Variants in ZNF768 observed in about 807,000 individuals in gnomAD.
The protein encoded by ZNF768 is zinc finger protein 768.
Under a neutral mutation model 39.7 loss-of-function variants are expected in ZNF768, and 12 were observed. The ratio of observed to expected loss-of-function variants is 0.30; its 90% CI spans 0.19 to 0.49. ZNF768 has a LOEUF of 0.49. Among genes scored for constraint, ZNF768 ranks in the 20% least tolerant of loss-of-function variants. ZNF768 has a pLI of 0.99. For synonymous variants in ZNF768, 360 were observed against 288.4 expected, an observed-to-expected ratio of 1.25 and a Z score of -2.52; for missense variants, 613 against 723.2, an observed-to-expected ratio of 0.85 and a Z score of 1.75.
upstream of ZNF768, among the ~76,000 whole-genome samples, chr16:30,530,131 G>A (rs139847806): frequency 2.1e-3 from 322 of 152,116 alleles, 1 homozygote; most frequent in African/African-American, 7.2e-3. This position sits in a 1 kb window ranked among gnomAD's most constrained non-coding sequence, Gnocchi z 4.4. Flanking sequence ...GCCCGGCCGA[G>A]AATAGCTACA....
At chr16:30,530,967 G>A (rs563975593), upstream of ZNF768, 1 of 151,638 alleles carries the variant, frequency 6.6e-6, no homozygotes, top group African/African-American at 2.4e-5. The surrounding 1 kb of genome is among the most constrained non-coding windows in gnomAD (Gnocchi z 4.4). Flanking sequence ...TAGAACTTGG[G>A]GATACAGATG....
Position 30,525,662 on chromosome 16 carries a change from T to G in ZNF768, c.478A>C (p.Ser160Arg). The G allele has an allele frequency of 1.2e-6, 2 of 1,614,248 alleles. No homozygotes were observed. Among genetic ancestry groups the G allele is most frequent in the Non-Finnish European group, 1.7e-6 (2 of 1,180,030 alleles). The change falls in exon 2 of 2, where the codon AGC becomes CGC. Residue 160 changes from serine to arginine, a missense_variant. Ser to Arg is a moderately radical substitution (Grantham distance 110). This residue lies in a region of ZNF768 where 347 missense variants were observed against 326.1 expected (regional missense o/e 1.06). Coordinates refer to ENST00000380412, the MANE Select transcript of ZNF768 (RefSeq NM_024671.4). ...ESQNTELKTQSPEFEAQSSKF... is the reference protein window; with the variant it reads ...ESQNTELKTQRPEFEAQSSKF... ...GAACTTTGAGCTTCAAATTCTGGGC[T>G]TTGGGTTTTGAGCTCAGTGTTCTGG...
At chr16:30,528,498 A>G (rs1340079796), upstream of ZNF768, among the ~76,000 whole-genome samples, 1 of 152,118 alleles carries the variant, frequency 6.6e-6, no homozygotes, top group East Asian at 1.9e-4. Context: ...AGGTTGCAGT[A>G]AGCCGAGATC....
Position 30,524,398 on chromosome 16 carries a change from C to T in ZNF768, c.*119G>A, listed in dbSNP as rs567889872. ...CTTCCTCCACCCTGGTTCTCTTCTTCCAGCATCCTCAGCTCCTCCATTCTC... is the reference window on the plus strand; with the variant it reads ...CTTCCTCCACCCTGGTTCTCTTCTTTCAGCATCCTCAGCTCCTCCATTCTC... On this transcript the variant is annotated 3_prime_UTR_variant, in exon 2 of 2. Transcript: ENST00000380412. 172 of 1,442,872 alleles carry T rather than the reference C, an allele frequency of 1.2e-4. No individual in the cohort carries two copies. In the South Asian group the frequency reaches 2.3e-3, roughly 19 times the overall value. 89.4% of individuals were successfully genotyped at this position (1,442,872 alleles called of 1,614,324 possible). A position where few individuals can be genotyped will look rare whatever the true frequency, so the allele number is the denominator to read the frequency against.
In ZNF768 at chr16:30,525,177, A is replaced by T; in HGVS notation, c.963T>A (p.Arg321=). The T allele has an allele frequency of 6.2e-7, 1 of 1,608,588 alleles. No individual in the cohort carries two copies. Among genetic ancestry groups the T allele is most frequent in the East Asian group, 2.2e-5 (1 of 44,564 alleles). ...AGCTGTCGGCGAAGGCCTTGCCGCA[A>T]CGGGGACATTTGTAGGGCCGCTCGC... is the stretch of plus-strand genomic sequence containing the variant. ...HTGERPYKCP[R]CGKAFADSSY... The change falls in exon 2 of 2, where the codon CGT becomes CGA. Residue 321 remains arginine (R), a synonymous_variant. Transcript: ENST00000380412.
At chr16:30,527,141 G>T (rs1248130457), upstream of ZNF768, 3 of 985,288 alleles carry the variant, frequency 3.0e-6, no homozygotes, top group African/African-American at 3.5e-5. Flanking sequence ...GCGGTGTCTC[G>T]CTCCCTCCCC....
chr16:30,526,735 C>A (rs911090024), upstream of ZNF768: 11 of 786,240 alleles, frequency 1.4e-5, no homozygotes, highest in African/African-American at 1.7e-4. Context: ...CCCGCCCGAG[C>A]CCCCACCTTC....
rs748683778 is a variant in ZNF768 at position 30,525,661 on chromosome 16, C to T, written c.479G>A (p.Ser160Asn). The change falls in exon 2 of 2, where the codon AGC (serine) becomes AAC (asparagine). Residue 160 changes from serine (S) to asparagine (N), a missense_variant. Transcript: ENST00000380412. Reference sequence around the variant, plus strand: ...GGAACTTTGAGCTTCAAATTCTGGGCTTTGGGTTTTGAGCTCAGTGTTCTG... The same window carrying T: ...GGAACTTTGAGCTTCAAATTCTGGGTTTTGGGTTTTGAGCTCAGTGTTCTG... The part of the protein sequence containing the change: ...ESQNTELKTQ[S>N]PEFEAQSSKF... 7 of 1,614,234 alleles carry T rather than the reference C, an allele frequency of 4.3e-6. No individual in the cohort carries two copies. The South Asian group carries it at 4.4e-5, about 10-fold the overall frequency.
At position 30,524,437 on chromosome 16, in the gene ZNF768, A is replaced by G; in HGVS notation, c.*80T>C. ...TCCTCCATTCTCCTGCGGCTTCTCC[A>G]CTATCCTCCCTAAAGGTTCCTCTAG... On this transcript the variant is annotated 3_prime_UTR_variant, in exon 2 of 2. Coordinates refer to ENST00000380412, the MANE Select transcript of ZNF768 (RefSeq NM_024671.4). The G allele has an allele frequency of 6.6e-7, 1 of 1,510,772 alleles. No individual in the cohort carries two copies. Among genetic ancestry groups the G allele is most frequent in the East Asian group, 2.3e-5 (1 of 44,052 alleles). The allele number at this position is 1,510,772 out of a possible 1,614,324, so 93.6% of individuals were successfully genotyped here. A position where few individuals can be genotyped will look rare whatever the true frequency, so the allele number is the denominator to read the frequency against.
rs1266213281 is a variant in ZNF768, at chr16:30,526,372, A to G, written c.42T>C (p.Asp14=). 5.6e-6 allele frequency: 9 copies of G among 1,602,408 alleles called. No individual in the cohort carries two copies. In the Admixed American group the frequency reaches 6.8e-5, roughly 12 times the overall value. Residue 14 remains aspartate, a synonymous_variant, in exon 1 of 2, where the codon GAT becomes GAC. Transcript: ENST00000380412. The part of the protein sequence containing the change: ...EALPWGLEPQ[D]VQSSDEMRSP... The stretch of plus-strand genomic sequence containing the variant: ...TCCTCATTTCGTCAGAACTCTGCAC[A>G]TCCTGGGGCTCGAGGCCCCACGGCA...
chr16:30,529,723 G>C (rs2081458407), upstream of ZNF768, among the ~76,000 whole-genome samples: 2 of 151,652 alleles, frequency 1.3e-5, no homozygotes, highest in South Asian at 2.1e-4. Context: ...ATAATGTTTT[G>C]TTCCCAGCCG....
At chr16:30,527,456 C>G (rs2051337960), upstream of ZNF768, 1 of 389,376 alleles carries the variant, frequency 2.6e-6, no homozygotes, top group Non-Finnish European at 3.5e-6. Context: ...CTAGCCGCCC[C>G]GCCTCCTCCA....
In ZNF768 at chr16:30,524,773, G is replaced by C. The variant is rs1455000063; in HGVS notation, c.1367C>G (p.Thr456Ser). The C allele has an allele frequency of 6.2e-7, 1 of 1,612,304 alleles. No homozygotes were observed. Among genetic ancestry groups the C allele is most frequent in the South Asian group, 1.1e-5 (1 of 91,014 alleles). The change falls in exon 2 of 2, where the codon ACC (threonine) becomes AGC (serine). Residue 456 changes from threonine (T) to serine (S), a missense_variant. Physicochemically the swap from Thr to Ser is moderately conservative, Grantham distance 58. This residue lies in a region of ZNF768 where 204 missense variants were observed against 281.7 expected (regional missense o/e 0.72). Coordinates refer to ENST00000380412, the MANE Select transcript of ZNF768 (RefSeq NM_024671.4). ...CTTGCCGCAGTCGGGGCAGCTGTAGGTGCGGCCTGGCAGGTGGGTGCGGGC... is the reference window on the plus strand; with the variant it reads ...CTTGCCGCAGTCGGGGCAGCTGTAGCTGCGGCCTGGCAGGTGGGTGCGGGC... ...IHARTHLPGR[T>S]YSCPDCGKTF...
chr16:30,525,844 T>TCAGGGCTTGGGGGCACAAGCC lies in ZNF768; in HGVS notation c.275_295dup (p.Gly92_Pro98dup), dbSNP rs1597118546. The stretch of plus-strand genomic sequence containing the variant: ...TGATTCAGGGCTTCTGGGTGCAAAC[T>TCAGGGCTTGGGGGCACAAGCC]CAGGGCTTGGGGGCACAAGCCCAGG... On this transcript the variant is annotated inframe_insertion, in exon 2 of 2. Coordinates refer to ENST00000380412, the MANE Select transcript of ZNF768 (RefSeq NM_024671.4). 2.0e-6 allele frequency: 3 copies of TCAGGGCTTGGGGGCACAAGCC among 1,529,290 alleles called. No individual in the cohort carries two copies. In the East Asian group the frequency reaches 6.8e-5, roughly 35 times the overall value. The allele number at this position is 1,529,290 out of a possible 1,614,324, so 94.7% of individuals were successfully genotyped here. A position where few individuals can be genotyped will look rare whatever the true frequency, so the allele number is the denominator to read the frequency against.
the ZNF768 span, chr16:30,532,043 G>A: frequency 5.7e-6 from 1 of 174,094 alleles, no homozygotes; most frequent in Admixed American, 5.5e-5. Flanking sequence ...AGCTACTTGG[G>A]TGGCTGAGGC....
chr16:30,524,269 CTGAGGCCAGCCCTCCGCT>C lies in ZNF768; in HGVS notation c.*230_*247del. The stretch of plus-strand genomic sequence containing the variant: ...CCAGGCACCCACCAAGGAGCCGCGG[CTGAGGCCAGCCCTCCGCT>C]GACCTCTCTCCATTTCTCCCAGGGC... On this transcript the variant is annotated 3_prime_UTR_variant, in exon 2 of 2. Coordinates refer to ENST00000380412, the MANE Select transcript of ZNF768 (RefSeq NM_024671.4). 1 of 544,760 alleles carries C rather than the reference CTGAGGCCAGCCCTCCGCT, an allele frequency of 1.8e-6. No homozygotes were observed. The highest frequency in any genetic ancestry group is 3.4e-5 in the South Asian group (1 of 29,820). 33.7% of individuals were successfully genotyped at this position (544,760 alleles called of 1,614,324 possible).
At chr16:30,532,220 C>T in the ZNF768 span, 1 of 555,594 alleles carries the variant, frequency 1.8e-6, no homozygotes, top group East Asian at 3.0e-5. Flanking sequence ...ATCCTCTTAG[C>T]ATCTCTGGGA....
Position 30,524,745 on chromosome 16 carries a change from G to C in ZNF768, c.1395C>G (p.Thr465=), listed in dbSNP as rs1343537361. 1.2e-6 allele frequency: 2 copies of C among 1,612,964 alleles called. No individual in the cohort carries two copies. The highest frequency in any genetic ancestry group is 1.7e-6 in the Non-Finnish European group (2 of 1,179,646). ...GGATGAGAGTGGAGGAGCGATTGAAGGTCTTGCCGCAGTCGGGGCAGCTGT... is the reference window on the plus strand; with the variant it reads ...GGATGAGAGTGGAGGAGCGATTGAACGTCTTGCCGCAGTCGGGGCAGCTGT... ...RTYSCPDCGK[T]FNRSSTLIQH... The change falls in exon 2 of 2, where the codon ACC becomes ACG. Residue 465 remains threonine, a synonymous_variant. Coordinates refer to ENST00000380412, the MANE Select transcript of ZNF768 (RefSeq NM_024671.4).
chr16:30,527,234 G>C, upstream of ZNF768: 1 of 985,662 alleles, frequency 1.0e-6, no homozygotes, highest in African/African-American at 1.7e-5. Context: ...CTTGAGCCTG[G>C]GACCCCCTCC....
Sources: gnomAD v4.1 joint callset for allele counts (sites outside exome capture counted in the v4.1 genomes callset) on GRCh38, gnomAD v4.1.1 for gene constraint, gnomAD v4.1.1 regional missense constraint, Gnocchi (gnomAD v3.1) non-coding constraint, MANE v1.5 for transcripts, NCBI Gene and HGNC (gene_info 2026-07-23, HGNC 2026-07-21) for gene names.